Variants in MLXIP observed in about 807,000 individuals in gnomAD.
The protein encoded by MLXIP is MLX interacting protein, also known as MLX-interacting protein.
Under a neutral mutation model 87.2 loss-of-function variants are expected in MLXIP, and 30 were observed. The ratio of observed to expected loss-of-function variants is 0.34; its 90% CI spans 0.26 to 0.47. The LOEUF is 0.47. MLXIP is among the 20% of genes least tolerant of loss of function. The probability of loss-of-function intolerance (pLI) is 1.00; values close to 1 mark genes in which losing one functional copy is unlikely to be tolerated. For missense variants in MLXIP, 1,002 were observed against 1,240.1 expected (o/e 0.81, Z 2.88); for synonymous variants, 530 against 514.0 (o/e 1.03, Z -0.42).
intron 1 of MLXIP, among the ~76,000 whole-genome samples, chr12:122,116,864 T>C (rs1952700188): frequency 6.6e-6 from 1 of 152,160 alleles, no homozygotes; most frequent in Non-Finnish European, 1.5e-5. Context: ...AGGCCAGAAA[T>C]GGAACCACTC....
At chr12:122,130,225 T>G (rs1276309811) in intron 6 of MLXIP, 113 bp downstream of exon 6, 1 of 1,116,678 alleles carries the variant, frequency 9.0e-7, no homozygotes, top group Non-Finnish European at 1.3e-6. Context: ...CACGTCACGG[T>G]TGGGGGCAGG....
At chr12:122,104,239 G>A (rs959384152) in intron 1 of MLXIP, among the ~76,000 whole-genome samples, 76 of 152,172 alleles carry the variant, frequency 5.0e-4, no homozygotes, top group African/African-American at 1.7e-3. Context: ...GCACACATGT[G>A]ACCACTGCAA....
intron 1 of MLXIP, among the ~76,000 whole-genome samples, chr12:122,093,272 G>A (rs1394553650): frequency 8.7e-5 from 13 of 149,162 alleles, no homozygotes; most frequent in Admixed American, 8.0e-4. Context: ...GGTGTGGGGT[G>A]TGCATTTGTG....
In MLXIP at chr12:122,138,893, C is replaced by T. The variant is rs371788361; in HGVS notation, c.2463C>T (p.Asp821=). The T allele has an allele frequency of 1.1e-4, 183 of 1,614,060 alleles. No individual in the cohort carries two copies. Among genetic ancestry groups the T allele is most frequent in the Non-Finnish European group, 1.2e-4 (144 of 1,179,898 alleles). The change falls in exon 15 of 17, where the codon GAC becomes GAT. Residue 821 remains aspartate, a synonymous_variant. Coordinates refer to ENST00000319080, the MANE Select transcript of MLXIP (RefSeq NM_014938.6). The part of the protein sequence containing the change: ...RQFDHMKDMF[D]EYVKTRTLQN... ...TTGATCACATGAAAGACATGTTTGA[C>T]GAATACGTGAAAACCCGGACCTTGC...
At position 122,133,374 on chromosome 12, in the gene MLXIP, C is replaced by T; in HGVS notation, c.1119C>T (p.Leu373=). The change falls in exon 9 of 17, where the codon CTC becomes CTT. Residue 373 remains leucine, a synonymous_variant. Coordinates refer to ENST00000319080, the MANE Select transcript of MLXIP (RefSeq NM_014938.6). The surrounding 1 kb of genome is among the most constrained non-coding windows in gnomAD (Gnocchi z 4.9). ...AGAGCATCCTGCCGACCACAGCCCT[C>T]CCCACTGTGAGCCTTCCTGACAGCC... The part of the protein sequence containing the change: ...AQESILPTTA[L]PTVSLPDSLI... 1 of 1,586,472 alleles carries T rather than the reference C, an allele frequency of 6.3e-7. No individual in the cohort carries two copies. The highest frequency in any genetic ancestry group is 8.6e-7 in the Non-Finnish European group (1 of 1,162,946).
At chr12:122,115,565 G>A (rs1310317332) in intron 1 of MLXIP, among the ~76,000 whole-genome samples, 8 of 110,580 alleles carry the variant, frequency 7.2e-5, no homozygotes, top group African/African-American at 2.2e-4. Context: ...TCCAGCCTGG[G>A]CAACAAGAGC....
intron 1 of MLXIP, among the ~76,000 whole-genome samples, chr12:122,095,152 TGTG>T (rs1178937885): frequency 2.9e-5 from 3 of 102,702 alleles, no homozygotes; most frequent in East Asian, 3.7e-4. Flanking sequence ...CTGTGTGCGG[TGTG>T]GTGGTGTGTG....
rs1412258167 is a variant in MLXIP at position 122,133,352 on chromosome 12, G to T, written c.1097G>T (p.Ser366Ile). The change falls in exon 9 of 17, where the codon AGC becomes ATC. Residue 366 changes from serine (S) to isoleucine (I), a missense_variant. Ser to Ile is a moderately radical substitution (Grantham distance 142). Around this residue, in one of 3 missense-constraint regions of MLXIP, gnomAD observed 746 missense variants for 897.0 expected, o/e 0.83. Transcript: ENST00000319080. The surrounding 1 kb of genome is among the most constrained non-coding windows in gnomAD (Gnocchi z 4.9). ...PDPNNPPAQE[S>I]ILPTTALPTV... ...GCTCCTTTCTTCCTTTTTCAGGAGA[G>T]CATCCTGCCGACCACAGCCCTCCCC... is the stretch of plus-strand genomic sequence containing the variant. 6.4e-7 allele frequency: 1 copy of T among 1,554,312 alleles called. No homozygotes were observed. The highest frequency in any genetic ancestry group is 8.7e-7 in the Non-Finnish European group (1 of 1,148,428).
At chr12:122,093,953 G>A in intron 1 of MLXIP, among the ~76,000 whole-genome samples, 1 of 144,422 alleles carries the variant, frequency 6.9e-6, no homozygotes, top group Non-Finnish European at 1.5e-5. Flanking sequence ...GTGTGTTGGT[G>A]TGTGTGTTGG....
Position 122,145,689 on chromosome 12 carries a change from T to G in MLXIP, c.*3877T>G, listed in dbSNP as rs1953289209. 1 of 152,290 alleles carries G rather than the reference T, an allele frequency of 6.6e-6. No individual in the cohort carries two copies. Among genetic ancestry groups the G allele is most frequent in the African/African-American group, 2.4e-5 (1 of 41,446 alleles). The allele number at this position is 152,290 out of a possible 1,614,324, so 9.4% of individuals were successfully genotyped here. ...TTTTCAAGATGGTGAGGTCTCGCTG[T>G]CTGCTGGACAGTACGTTAGGCTCTC... On this transcript the variant is annotated 3_prime_UTR_variant, in exon 17 of 17. Coordinates refer to ENST00000319080, the MANE Select transcript of MLXIP (RefSeq NM_014938.6).
chr12:122,122,131 G>C (rs1952793751), intron 1 of MLXIP, among the ~76,000 whole-genome samples: 1 of 152,200 alleles, frequency 6.6e-6, no homozygotes, highest in Admixed American at 6.5e-5. Flanking sequence ...GGGGAAGCCA[G>C]TGGTCTTGCA....
At chr12:122,119,273 T>C (rs1440500059) in intron 1 of MLXIP, among the ~76,000 whole-genome samples, 3 of 152,198 alleles carry the variant, frequency 2.0e-5, no homozygotes, top group Non-Finnish European at 4.4e-5. Flanking sequence ...GGTTTTATTT[T>C]TGTTTTTTCA....
chr12:122,137,445 C>T lies in MLXIP; in HGVS notation c.2033-24C>T, dbSNP rs1767515633. On this transcript the variant is annotated intron_variant, in intron 11 of 16. Transcript: ENST00000319080. This position sits in a 1 kb window ranked among gnomAD's most constrained non-coding sequence, Gnocchi z 4.1. ...GCGTTGAGGGGCCAGGCCTCCGCCC[C>T]TCAGAGGAGTCTGTTCTTACCAGGT... The T allele has an allele frequency of 6.2e-7, 1 of 1,609,658 alleles. No individual in the cohort carries two copies. Among genetic ancestry groups the T allele is most frequent in the South Asian group, 1.1e-5 (1 of 90,586 alleles).
chr12:122,135,018 A>G lies in MLXIP; in HGVS notation c.1733-206A>G. On this transcript the variant is annotated intron_variant, in intron 9 of 16. Transcript: ENST00000319080. This position sits in a 1 kb window ranked among gnomAD's most constrained non-coding sequence, Gnocchi z 5.3. ...GTTAGTCACAACCTACAGTGTGAAAACATGGTCCTGGCCATCTCTTTCCTG... is the reference window on the plus strand; with the variant it reads ...GTTAGTCACAACCTACAGTGTGAAAGCATGGTCCTGGCCATCTCTTTCCTG... 1 of 584,426 alleles carries G rather than the reference A, an allele frequency of 1.7e-6. No individual in the cohort carries two copies. Among genetic ancestry groups the G allele is most frequent in the South Asian group, 1.9e-5 (1 of 52,368 alleles). 36.2% of individuals were successfully genotyped at this position (584,426 alleles called of 1,614,324 possible).
chr12:122,078,929 G>C lies in MLXIP; in HGVS notation c.76G>C (p.Val26Leu). Residue 26 changes from valine (V) to leucine (L), a missense_variant, in exon 1 of 17, where the codon GTG (valine) becomes CTG (leucine). Transcript: ENST00000319080. ...CCGCCAGGTGCTGCTCAAGCCCCAG[G>C]TGTCCGAGGACGACGACGACTCGGA... ...RGRQVLLKPQ[V>L]SEDDDDSDTD... 1 of 1,128,742 alleles carries C rather than the reference G, an allele frequency of 8.9e-7. No homozygotes were observed. The highest frequency in any genetic ancestry group is 1.1e-6 in the Non-Finnish European group (1 of 917,376). The allele number at this position is 1,128,742 out of a possible 1,614,324, so 69.9% of individuals were successfully genotyped here. A position where few individuals can be genotyped will look rare whatever the true frequency, so the allele number is the denominator to read the frequency against.
intron 1 of MLXIP, among the ~76,000 whole-genome samples, chr12:122,092,882 G>T (rs1427087168): frequency 6.6e-6 from 1 of 152,074 alleles, no homozygotes; most frequent in Non-Finnish European, 1.5e-5. Context: ...ACCTATCTTC[G>T]GCTTTGCTTC....
At chr12:122,108,367 C>CAAAAAAAAA (rs61424369) in intron 1 of MLXIP, among the ~76,000 whole-genome samples, 1 of 80,544 alleles carries the variant, frequency 1.2e-5, no homozygotes, top group Admixed American at 1.5e-4. Flanking sequence ...GACTCCATCT[C>CAAAAAAAAA]AAAAAAAAAA....
Position 122,138,918 on chromosome 12 carries a change from C to G in MLXIP, c.2488C>G (p.Gln830Glu), listed in dbSNP as rs1163637051. Residue 830 changes from glutamine (Q) to glutamate (E), a missense_variant, in exon 15 of 17, where the codon CAG becomes GAG. Around this residue, in one of 3 missense-constraint regions of MLXIP, gnomAD observed 746 missense variants for 897.0 expected, o/e 0.83. Coordinates refer to ENST00000319080, the MANE Select transcript of MLXIP (RefSeq NM_014938.6). Reference sequence around the variant, plus strand: ...CGAATACGTGAAAACCCGGACCTTGCAGAATTGGAAGTTCTGGATTGTATC... The same window carrying G: ...CGAATACGTGAAAACCCGGACCTTGGAGAATTGGAAGTTCTGGATTGTATC... ...FDEYVKTRTL[Q>E]NWKFWIFSII... is the part of the protein sequence containing the mutation. 6.2e-7 allele frequency: 1 copy of G among 1,614,094 alleles called. No homozygotes were observed.
chr12:122,140,163 G>T (rs919786588), intron 15 of MLXIP, among the ~76,000 whole-genome samples: 1 of 152,254 alleles, frequency 6.6e-6, no homozygotes, highest in Non-Finnish European at 1.5e-5. Context: ...AACTGTGAGT[G>T]CCGTCCTGAT....
Sources: allele counts gnomAD v4.1 joint callset (sites outside exome capture counted in the v4.1 genomes callset), GRCh38; gene constraint gnomAD v4.1.1; regional missense constraint gnomAD v4.1.1; non-coding constraint Gnocchi (gnomAD v3.1); transcripts MANE v1.5; gene names NCBI Gene and HGNC (gene_info 2026-07-23, HGNC 2026-07-21).